Variants in ERICH6B observed in about 807,000 individuals in gnomAD.
ERICH6B encodes the protein glutamate-rich protein 6B.
In ERICH6B, 69 loss-of-function variants were observed where a neutral mutation model predicts 80.0. The observed-to-expected ratio is 0.86, with a 90% confidence interval of 0.71 to 1.05. The LOEUF (loss-of-function observed/expected upper bound fraction) is 1.05. Among genes scored for constraint, ERICH6B ranks in the 50% least tolerant of loss-of-function variants. The pLI, the probability that ERICH6B is intolerant of heterozygous loss-of-function variation, is 0.00. For synonymous variants in ERICH6B, 283 were observed against 291.9 expected, an observed-to-expected ratio of 0.97 and a Z score of 0.31; for missense variants, 754 against 796.1, an observed-to-expected ratio of 0.95 and a Z score of 0.64.
At chr13:45,583,343 A>G (rs551434842) in intron 5 of ERICH6B, among the ~76,000 whole-genome samples, 3 of 152,130 alleles carry the variant, frequency 2.0e-5, no homozygotes, top group South Asian at 4.1e-4. Flanking sequence ...CACTATTATT[A>G]TTATTATGTT....
intron 3 of ERICH6B, among the ~76,000 whole-genome samples, chr13:45,594,965 A>G (rs149124832): frequency 1.1e-4 from 16 of 152,336 alleles, no homozygotes; most frequent in African/African-American, 3.8e-4. Flanking sequence ...CTGCTAGCAA[A>G]CAGCACAAGG....
chr13:45,557,514 G>A (rs1173424303), intron 11 of ERICH6B, among the ~76,000 whole-genome samples: 1 of 151,828 alleles, frequency 6.6e-6, no homozygotes, highest in Non-Finnish European at 1.5e-5. Flanking sequence ...CTAAGCCAAT[G>A]TCTAGAAAAG....
At chr13:45,543,183 G>T (rs566052194) in intron 14 of ERICH6B, among the ~76,000 whole-genome samples, 1 of 152,180 alleles carries the variant, frequency 6.6e-6, no homozygotes, top group African/African-American at 2.4e-5. Context: ...CCTTGCTTAG[G>T]CCTCACGGGG....
intron 1 of ERICH6B, among the ~76,000 whole-genome samples, chr13:45,609,233 C>T (rs556738713): frequency 4.3e-4 from 65 of 152,294 alleles, no homozygotes; most frequent in African/African-American, 1.3e-3. Context: ...CCTCCTGGGC[C>T]GACCCAAGTT....
intron 11 of ERICH6B, chr13:45,551,524 A>C (rs1225579409): frequency 6.6e-6 from 1 of 152,220 alleles, no homozygotes; most frequent in African/African-American, 2.4e-5. Flanking sequence ...TCTTCCATCC[A>C]AGTAGTAACC....
chr13:45,604,716 A>T (rs993321131), intron 2 of ERICH6B, among the ~76,000 whole-genome samples: 1 of 151,746 alleles, frequency 6.6e-6, no homozygotes, highest in Non-Finnish European at 1.5e-5. Flanking sequence ...AAACAAACAA[A>T]ACACCAAGAA....
intron 14 of ERICH6B, among the ~76,000 whole-genome samples, chr13:45,543,111 T>TG (rs1873848389): frequency 6.6e-6 from 1 of 152,022 alleles, no homozygotes; most frequent in Non-Finnish European, 1.5e-5. Flanking sequence ...TCTGGTGGTG[T>TG]GGGGGTCTGT....
At chr13:45,615,202 A>G (rs1949921037) in intron 1 of ERICH6B, among the ~76,000 whole-genome samples, 1 of 151,706 alleles carries the variant, frequency 6.6e-6, no homozygotes. Context: ...AGGTAGGGGA[A>G]GGAAACAGGG....
In ERICH6B at chr13:45,541,596, C is replaced by T. The variant is rs1536207; in HGVS notation, c.1957G>A (p.Val653Ile). ...EPGPTAQKIR[V>I]LLGKMNRLLN... ...AGCCTATTCATTTTCCCCAGAAGGA[C>T]CCGGATCTTCTGGGCTGTTGGGCCG... The change falls in exon 15 of 15, where the codon GTC (valine) becomes ATC (isoleucine). Residue 653 changes from valine (V) to isoleucine (I), a missense_variant. Transcript: ENST00000298738. 1.5e-5 allele frequency: 23 copies of T among 1,551,476 alleles called. No homozygotes were observed. The highest frequency in any genetic ancestry group is 3.4e-4 in the Middle Eastern group (2 of 5,966).
chr13:45,595,196 G>C (rs189877118), intron 3 of ERICH6B, among the ~76,000 whole-genome samples: 74 of 152,154 alleles, frequency 4.9e-4, no homozygotes, highest in Non-Finnish European at 9.7e-4. Flanking sequence ...CCAGGAAATA[G>C]AGATCTCTGA....
intron 4 of ERICH6B, among the ~76,000 whole-genome samples, chr13:45,587,686 A>G (rs887079866): frequency 1.3e-5 from 2 of 152,162 alleles, no homozygotes; most frequent in Non-Finnish European, 2.9e-5. Flanking sequence ...CACCACCACC[A>G]TCAAAAAGGC....
At chr13:45,559,627 T>G (rs1874583947) in intron 11 of ERICH6B, among the ~76,000 whole-genome samples, 2 of 152,170 alleles carry the variant, frequency 1.3e-5, no homozygotes, top group Admixed American at 1.3e-4. Context: ...AATTTTTAAA[T>G]TTCCATCATG....
intron 5 of ERICH6B, among the ~76,000 whole-genome samples, chr13:45,585,822 G>C (rs149580555): frequency 1.4e-4 from 21 of 152,256 alleles, no homozygotes; most frequent in Non-Finnish European, 3.1e-4. Flanking sequence ...GACATAATTA[G>C]CTCTATTAAT....
intron 11 of ERICH6B, among the ~76,000 whole-genome samples, chr13:45,558,612 T>C (rs1054788336): frequency 1.3e-5 from 2 of 152,244 alleles, no homozygotes; most frequent in East Asian, 1.9e-4. Flanking sequence ...GTCCCTGGTA[T>C]GCCAATTTTG....
rs903904459 is a variant in ERICH6B at position 45,570,874 on chromosome 13, G to T, written c.1051-2423C>A. On this transcript the variant is annotated intron_variant, in intron 8 of 14. Coordinates refer to ENST00000298738, the MANE Select transcript of ERICH6B (RefSeq NM_182542.3). ...GGCATTCGCTCCATTGCAGCTGCAG[G>T]TTCCATATGGCATTCACTCCATTGC... Among the ~76,000 whole-genome samples, 15 of 151,712 alleles carry T rather than the reference G, an allele frequency of 9.9e-5. 1 individual carries two copies. Among genetic ancestry groups the T allele is most frequent in the African/African-American group, 3.6e-4 (15 of 41,208 alleles).
At chr13:45,563,982 T>C (rs1217893540) in intron 9 of ERICH6B, among the ~76,000 whole-genome samples, 194 bp from the exon 10 acceptor site, 2 of 152,210 alleles carry the variant, frequency 1.3e-5, no homozygotes, top group Non-Finnish European at 2.9e-5. Context: ...GATATCCATT[T>C]AGTGCTTCCC....
At chr13:45,547,945 T>C (rs967397138) in intron 13 of ERICH6B, among the ~76,000 whole-genome samples, 6 of 152,146 alleles carry the variant, frequency 3.9e-5, no homozygotes, top group Non-Finnish European at 8.8e-5. Context: ...GAAGATGGGA[T>C]CTGGAACATC....
At chr13:45,548,877 C>G (rs1874094875) in intron 13 of ERICH6B, among the ~76,000 whole-genome samples, 1 of 152,220 alleles carries the variant, frequency 6.6e-6, no homozygotes, top group Non-Finnish European at 1.5e-5. Context: ...TAAAAAGACT[C>G]ACAGCAGAGA....
At chr13:45,548,108 C>T (rs918233948) in intron 13 of ERICH6B, among the ~76,000 whole-genome samples, 1 of 152,214 alleles carries the variant, frequency 6.6e-6, no homozygotes, top group African/African-American at 2.4e-5. Context: ...TGGCCTGAGA[C>T]CCCTTGGGCT....
Sources: allele counts gnomAD v4.1 joint callset (sites outside exome capture counted in the v4.1 genomes callset), GRCh38; gene constraint gnomAD v4.1.1; transcripts MANE v1.5; gene names NCBI Gene and HGNC (gene_info 2026-07-23, HGNC 2026-07-21).